The following LRRC4C variants were observed in gnomAD, a reference collection of about 807,000 sequenced individuals.
The protein encoded by LRRC4C is leucine-rich repeat-containing protein 4C.
A neutral mutation model predicts 33.6 loss-of-function variants in LRRC4C; 5 were observed. The observed-to-expected ratio is 0.15, with a 90% CI of 0.08 to 0.31. The LOEUF (loss-of-function observed/expected upper bound fraction) is 0.31, where lower values mean the gene tolerates loss of function less well. Among genes scored for constraint, LRRC4C ranks in the 10% least tolerant of loss-of-function variants. The pLI is 1.00. For missense variants in LRRC4C, 560 were observed against 796.7 expected, an observed-to-expected ratio of 0.70 and a Z score of 3.58; for synonymous variants, 329 against 302.0, an observed-to-expected ratio of 1.09 and a Z score of -0.93.
chr11:40,849,583 A>G (rs978960557), intron 2 of LRRC4C, among the ~76,000 whole-genome samples: 1 of 151,092 alleles, frequency 6.6e-6, no homozygotes, highest in Non-Finnish European at 1.5e-5. Flanking sequence ...TTTTCCCTTC[A>G]TTTCAACCTT....
intron 1 of LRRC4C, among the ~76,000 whole-genome samples, chr11:41,438,000 C>T (rs1955489248): frequency 6.6e-6 from 1 of 151,366 alleles, no homozygotes; most frequent in Non-Finnish European, 1.5e-5. Context: ...ATCACACTGT[C>T]ACACTCCAGC....
chr11:41,228,139 T>C (rs1166932575), intron 1 of LRRC4C, among the ~76,000 whole-genome samples: 1 of 152,122 alleles, frequency 6.6e-6, no homozygotes, highest in Non-Finnish European at 1.5e-5. Flanking sequence ...TATCTTTCTA[T>C]CTATGTTATT....
At chr11:40,837,175 T>C (rs1454397765) in intron 2 of LRRC4C, among the ~76,000 whole-genome samples, 1 of 152,170 alleles carries the variant, frequency 6.6e-6, no homozygotes. Context: ...TTTTTGATGC[T>C]TGCTCACCTG....
At chr11:40,993,360 G>T (rs1378524056) in intron 1 of LRRC4C, among the ~76,000 whole-genome samples, 1 of 152,012 alleles carries the variant, frequency 6.6e-6, no homozygotes, top group Non-Finnish European at 1.5e-5. Flanking sequence ...ATTTATATTT[G>T]AACTGGCCCA....
chr11:40,533,987 G>C (rs1956373024), intron 3 of LRRC4C, among the ~76,000 whole-genome samples: 1 of 152,148 alleles, frequency 6.6e-6, no homozygotes, highest in South Asian at 2.1e-4. Flanking sequence ...GGTTGCCTTA[G>C]TGCTCACAAG....
chr11:40,844,819 C>G (rs7107918), intron 2 of LRRC4C, among the ~76,000 whole-genome samples: 140,367 of 152,224 alleles, frequency 0.92, 64,794 homozygotes, highest in East Asian at 1. Context: ...CATACTTGAA[C>G]ATTGCTAAGA....
At chr11:41,163,802 A>G (rs1412067946) in intron 1 of LRRC4C, among the ~76,000 whole-genome samples, 1 of 146,826 alleles carries the variant, frequency 6.8e-6, no homozygotes, top group African/African-American at 2.5e-5. Context: ...AGTAGAGACG[A>G]GGTTTCACCA....
At chr11:41,205,971 T>C (rs1162898387) in intron 1 of LRRC4C, among the ~76,000 whole-genome samples, 2 of 152,124 alleles carry the variant, frequency 1.3e-5, no homozygotes, top group East Asian at 1.9e-4. Context: ...AGCTGGCCAG[T>C]GTTTCTACAC....
chr11:41,371,986 A>T (rs1373637618), intron 1 of LRRC4C, among the ~76,000 whole-genome samples: 2 of 152,090 alleles, frequency 1.3e-5, no homozygotes, highest in Non-Finnish European at 2.9e-5. Flanking sequence ...AATACAAAGA[A>T]ATTAGCCAGG....
At chr11:41,109,368 T>C (rs989595093) in intron 1 of LRRC4C, among the ~76,000 whole-genome samples, 1 of 152,052 alleles carries the variant, frequency 6.6e-6, no homozygotes, top group Non-Finnish European at 1.5e-5. Flanking sequence ...GCAGTTGATA[T>C]AATTATGAAT....
Position 40,683,679 on chromosome 11 carries a change from G to C in LRRC4C, c.-406-35401C>G, listed in dbSNP as rs188890611. Among the ~76,000 whole-genome samples the C allele has an allele frequency of 3.9e-5, 6 of 152,232 alleles. No individual in the cohort carries two copies. The East Asian group carries it at 9.7e-4, about 24-fold the overall frequency. ...GGAAGTAGATATGTATTTATTTAAAGATCATACGAAAACTGTAGAAAAGGT... is the reference window on the plus strand; with the variant it reads ...GGAAGTAGATATGTATTTATTTAAACATCATACGAAAACTGTAGAAAAGGT... On this transcript the variant is annotated intron_variant, in intron 2 of 6. Transcript: ENST00000528697.
At chr11:40,201,187 C>T (rs1261104796) in intron 5 of LRRC4C, among the ~76,000 whole-genome samples, 1 of 152,190 alleles carries the variant, frequency 6.6e-6, no homozygotes, top group Non-Finnish European at 1.5e-5. Flanking sequence ...ACTTGCCAGG[C>T]TCAGCCTTCA....
At chr11:40,788,978 A>T (rs1232841364) in intron 2 of LRRC4C, among the ~76,000 whole-genome samples, 1 of 151,534 alleles carries the variant, frequency 6.6e-6, no homozygotes, top group Non-Finnish European at 1.5e-5. Flanking sequence ...CTGTAGTCCC[A>T]GCTACTTGGA....
intron 1 of LRRC4C, among the ~76,000 whole-genome samples, chr11:41,100,570 AAAT>A (rs775264995): frequency 6.6e-5 from 10 of 151,734 alleles, no homozygotes; most frequent in Middle Eastern, 3.4e-3. Flanking sequence ...GTCCATCTCA[AAAT>A]AATAATAATA....
chr11:41,018,601 C>A (rs1855748622), intron 1 of LRRC4C, among the ~76,000 whole-genome samples: 1 of 152,126 alleles, frequency 6.6e-6, no homozygotes, highest in South Asian at 2.1e-4. Context: ...CAATTCCTGT[C>A]TTCTCTATTG....
chr11:41,350,230 G>C (rs974132578), intron 1 of LRRC4C, among the ~76,000 whole-genome samples: 6 of 152,122 alleles, frequency 3.9e-5, no homozygotes, highest in Admixed American at 3.3e-4. Context: ...AAATGTTTTC[G>C]TCAGGTGCAG....
chr11:40,695,302 T>C (rs1432617889), intron 2 of LRRC4C, among the ~76,000 whole-genome samples: 2 of 152,190 alleles, frequency 1.3e-5, no homozygotes, highest in Non-Finnish European at 2.9e-5. Context: ...TTCACTTTTT[T>C]ACCCATCCCT....
At chr11:41,380,057 G>T (rs1953086136) in intron 1 of LRRC4C, among the ~76,000 whole-genome samples, 1 of 151,990 alleles carries the variant, frequency 6.6e-6, no homozygotes, top group African/African-American at 2.4e-5. Flanking sequence ...CTGTGCAATG[G>T]GAAATTTTAA....
intron 1 of LRRC4C, among the ~76,000 whole-genome samples, chr11:41,151,021 CACACACACACAG>C (rs993224953): frequency 2.0e-4 from 30 of 151,968 alleles, no homozygotes; most frequent in African/African-American, 6.3e-4. Context: ...CTGCAACACA[CACACACACACAG>C]ACACACACAC....
Sources: allele counts gnomAD v4.1 joint callset (sites outside exome capture counted in the v4.1 genomes callset), GRCh38; gene constraint gnomAD v4.1.1; transcripts MANE v1.5; gene names NCBI Gene and HGNC (gene_info 2026-07-23, HGNC 2026-07-21).